Variants in RBMS3 observed in about 807,000 individuals in gnomAD.
The protein encoded by RBMS3 is RNA-binding motif, single-stranded-interacting protein 3.
RBMS3 carries 27 observed loss-of-function variants against 66.8 expected under a neutral mutation model. The observed-to-expected ratio is 0.40, with a 90% CI of 0.30 to 0.56. RBMS3 has a LOEUF of 0.56. RBMS3 is among the 20% of genes least tolerant of loss of function. RBMS3 has a pLI of 0.40. For synonymous variants in RBMS3, 188 were observed against 183.0 expected, an observed-to-expected ratio of 1.03 and a Z score of -0.22; for missense variants, 513 against 549.5, an observed-to-expected ratio of 0.93 and a Z score of 0.66.
At chr3:29,655,131 G>T (rs996559279) in intron 4 of RBMS3, among the ~76,000 whole-genome samples, 1 of 152,068 alleles carries the variant, frequency 6.6e-6, no homozygotes, top group Non-Finnish European at 1.5e-5. Flanking sequence ...GCCTTCAAAC[G>T]ACCAAGGATT....
chr3:29,342,639 G>C (rs1279816394), intron 1 of RBMS3, among the ~76,000 whole-genome samples: 2 of 152,054 alleles, frequency 1.3e-5, no homozygotes, highest in African/African-American at 4.8e-5. Context: ...AGTGGGTAGG[G>C]ATTTATTTCC....
chr3:29,988,076 G>A (rs1382694281), intron 12 of RBMS3, 67 bp from the exon 13 acceptor site: 1 of 1,280,132 alleles, frequency 7.8e-7, no homozygotes. Context: ...GTCTCCTGTG[G>A]TATTTAATAA....
chr3:29,532,262 G>GTATATATATATATATATATATATATA (rs869225843), intron 3 of RBMS3, among the ~76,000 whole-genome samples: 3 of 62,696 alleles, frequency 4.8e-5, no homozygotes, highest in East Asian at 1.0e-3. Flanking sequence ...ATATATATAT[G>GTATATATATATATATATATATATATA]TATATATATA....
intron 6 of RBMS3, among the ~76,000 whole-genome samples, chr3:29,806,950 A>G (rs934231666): frequency 1.3e-4 from 19 of 151,902 alleles, no homozygotes; most frequent in Admixed American, 9.2e-4. Context: ...CAATATTATA[A>G]ACGTCTGAGT....
intron 1 of RBMS3, among the ~76,000 whole-genome samples, chr3:29,434,363 G>A (rs2041317788): frequency 6.6e-6 from 1 of 152,154 alleles, no homozygotes. Context: ...AGATGCTTGG[G>A]TATTAAAGGT....
chr3:29,926,439 T>C (rs1180149162), intron 10 of RBMS3, among the ~76,000 whole-genome samples: 3 of 152,186 alleles, frequency 2.0e-5, no homozygotes, highest in Admixed American at 1.3e-4. Flanking sequence ...TTGAGGTGCC[T>C]TGTGACATAT....
intron 2 of RBMS3, among the ~76,000 whole-genome samples, chr3:29,480,324 C>T (rs1017012836): frequency 4.6e-5 from 7 of 152,132 alleles, no homozygotes; most frequent in African/African-American, 1.7e-4. Context: ...TTCCAATGCA[C>T]ATTACATTTT....
intron 1 of RBMS3, among the ~76,000 whole-genome samples, chr3:29,372,564 C>T (rs1397833700): frequency 6.6e-6 from 1 of 151,948 alleles, no homozygotes; most frequent in Admixed American, 6.6e-5. Flanking sequence ...GTCCCAATGT[C>T]TCTTTGAGCC....
chr3:29,475,984 T>A (rs1391783253), intron 2 of RBMS3, among the ~76,000 whole-genome samples: 2 of 152,188 alleles, frequency 1.3e-5, no homozygotes, highest in Non-Finnish European at 2.9e-5. Flanking sequence ...ATGACCCTCC[T>A]AAATGGCACA....
chr3:29,717,392 A>G (rs1166064842), intron 4 of RBMS3, among the ~76,000 whole-genome samples: 2 of 152,056 alleles, frequency 1.3e-5, no homozygotes, highest in African/African-American at 4.8e-5. Context: ...TATAAATTGT[A>G]TTAATCTTAT....
At position 29,364,633 on chromosome 3, in the gene RBMS3, A is replaced by G. The variant is rs560007308; in HGVS notation, c.76-70110A>G. ...CATACTTTACATTTTCCCATCTATAAAAAGATGCTTTGGAAACAGCCATGA... is the reference window on the plus strand; with the variant it reads ...CATACTTTACATTTTCCCATCTATAGAAAGATGCTTTGGAAACAGCCATGA... On this transcript the variant is annotated intron_variant, in intron 1 of 14. Transcript: ENST00000383767. Among the ~76,000 whole-genome samples, 4 of 152,274 alleles carry G rather than the reference A, an allele frequency of 2.6e-5. No individual in the cohort carries two copies. In the East Asian group the frequency reaches 7.7e-4, roughly 29 times the overall value.
At chr3:29,352,157 T>G (rs2036955649) in intron 1 of RBMS3, among the ~76,000 whole-genome samples, 2 of 152,098 alleles carry the variant, frequency 1.3e-5, no homozygotes, top group African/African-American at 2.4e-5. Context: ...TTTAAGACTA[T>G]TCTCCCTTCT....
chr3:29,918,496 G>C (rs902281993), intron 10 of RBMS3, among the ~76,000 whole-genome samples: 4 of 152,002 alleles, frequency 2.6e-5, no homozygotes, highest in African/African-American at 9.7e-5. Context: ...GCATCCAAAT[G>C]TACCGTAATT....
intron 4 of RBMS3, among the ~76,000 whole-genome samples, chr3:29,708,239 T>C (rs1343797685): frequency 2.0e-5 from 3 of 152,198 alleles, no homozygotes; most frequent in East Asian, 3.8e-4. Flanking sequence ...AGATTGAAGA[T>C]GACTTTCACT....
intron 3 of RBMS3, among the ~76,000 whole-genome samples, chr3:29,520,487 G>C (rs1438138603): frequency 6.6e-6 from 1 of 152,094 alleles, no homozygotes; most frequent in East Asian, 1.9e-4. Flanking sequence ...TCTTGCAAAA[G>C]ATGTTTTCAG....
At chr3:29,987,209 C>T (rs907301243) in intron 12 of RBMS3, among the ~76,000 whole-genome samples, 1 of 152,010 alleles carries the variant, frequency 6.6e-6, no homozygotes, top group African/African-American at 2.4e-5. Flanking sequence ...TTTGATGATT[C>T]CAGTTTTGAT....
chr3:29,791,440 GAACA>G (rs1372424636), intron 6 of RBMS3, among the ~76,000 whole-genome samples: 1 of 152,130 alleles, frequency 6.6e-6, no homozygotes, highest in Non-Finnish European at 1.5e-5. Context: ...ATGATAAAAA[GAACA>G]AACAGTGGTG....
intron 1 of RBMS3, among the ~76,000 whole-genome samples, chr3:29,310,048 A>T (rs2034278139): frequency 6.6e-6 from 1 of 151,496 alleles, no homozygotes; most frequent in South Asian, 2.1e-4. Context: ...AGAATAGGAG[A>T]TGTGAGAACG....
chr3:29,854,705 C>T (rs1345266935), intron 6 of RBMS3, among the ~76,000 whole-genome samples: 1 of 152,186 alleles, frequency 6.6e-6, no homozygotes, highest in Non-Finnish European at 1.5e-5. Context: ...GACAGGGTCT[C>T]TCATGGGCAT....
Sources: gnomAD v4.1 joint callset for allele counts (sites outside exome capture counted in the v4.1 genomes callset) on GRCh38, gnomAD v4.1.1 for gene constraint, MANE v1.5 for transcripts, NCBI Gene and HGNC (gene_info 2026-07-23, HGNC 2026-07-21) for gene names.